SLC39A12: variants seen among roughly 807,000 people sequenced by gnomAD.
SLC39A12 encodes the protein solute carrier family 39 member 12.
SLC39A12 carries 63 observed loss-of-function variants against 71.1 expected under a neutral mutation model. The observed-to-expected ratio is 0.89, with a 90% confidence interval of 0.72 to 1.09. The LOEUF is 1.09. Ranked by LOEUF, SLC39A12 falls within the 50% of genes least tolerant of loss-of-function variation. The probability of loss-of-function intolerance (pLI) is 0.00; values close to 1 mark genes in which losing one functional copy is unlikely to be tolerated. For missense variants in SLC39A12, 892 were observed against 812.6 expected, an observed-to-expected ratio of 1.10 and a Z score of -1.19; for synonymous variants, 351 against 301.3, an observed-to-expected ratio of 1.16 and a Z score of -1.71.
intron 12 of SLC39A12, among the ~76,000 whole-genome samples, chr10:18,034,094 G>C (rs1020406526): frequency 6.6e-5 from 10 of 151,704 alleles, no homozygotes; most frequent in Non-Finnish European, 1.5e-4. Context: ...TTTGGAATAG[G>C]TGTGGTGTGG....
rs79723330 is a variant in SLC39A12, at chr10:17,963,215, A to G, written c.543+1353A>G. On this transcript the variant is annotated intron_variant, in intron 3 of 12. Coordinates refer to ENST00000377369, the MANE Select transcript of SLC39A12 (RefSeq NM_001145195.2). ...AAAAGAAAAAGGGGTTCCTTTACAG[A>G]ACTGTTTTCTACCTAAACCAGGAGG... Among the ~76,000 whole-genome samples the G allele has an allele frequency of 3.5e-3, 539 of 152,270 alleles. 3 individuals carry two copies. Among genetic ancestry groups the G allele is most frequent in the African/African-American group, 0.012 (518 of 41,554 alleles).
chr10:17,953,655 G>A (rs1834465740), intron 2 of SLC39A12, 118 bp downstream of exon 2: 1 of 1,181,692 alleles, frequency 8.5e-7, no homozygotes, highest in Admixed American at 2.7e-5. Flanking sequence ...ATGCAATTGA[G>A]CAATGCATTC....
chr10:17,961,219 G>C (rs1340985161), intron 2 of SLC39A12, among the ~76,000 whole-genome samples: 2 of 151,774 alleles, frequency 1.3e-5, no homozygotes, highest in African/African-American at 4.8e-5. Context: ...AAGGAAGGAG[G>C]GTAGAGTAGA....
chr10:17,967,602 G>T (rs904071686), intron 4 of SLC39A12, among the ~76,000 whole-genome samples: 9 of 152,038 alleles, frequency 5.9e-5, no homozygotes, highest in Non-Finnish European at 1.3e-4. Flanking sequence ...TTATTTCCCA[G>T]GCCGGGCGCG....
At chr10:17,958,930 TA>T (rs1267323221) in intron 2 of SLC39A12, among the ~76,000 whole-genome samples, 1 of 152,190 alleles carries the variant, frequency 6.6e-6, no homozygotes, top group Admixed American at 6.5e-5. Context: ...GGGTTCTTAT[TA>T]AAAAATTCAT....
chr10:17,952,062 TG>T (rs1834413719), intron 1 of SLC39A12, 37 bp downstream of exon 1: 1 of 152,312 alleles, frequency 6.6e-6, no homozygotes, highest in East Asian at 1.9e-4. Flanking sequence ...CATCATCCTC[TG>T]TCACTTTTAA....
intron 10 of SLC39A12, among the ~76,000 whole-genome samples, chr10:18,000,125 A>T (rs1304709096): frequency 2.6e-5 from 4 of 152,154 alleles, no homozygotes; most frequent in East Asian, 1.9e-4. Context: ...CTGGTTGTAG[A>T]TGGCGCCTTC....
chr10:18,036,794 A>ATATATATT (rs1554855475), intron 12 of SLC39A12, among the ~76,000 whole-genome samples: 52 of 92,798 alleles, frequency 5.6e-4, no homozygotes, highest in East Asian at 8.8e-4. Flanking sequence ...ATATATATAT[A>ATATATATT]TTTTTTTTTT....
At chr10:18,024,027 C>G (rs1485185983) in intron 12 of SLC39A12, among the ~76,000 whole-genome samples, 2 of 152,092 alleles carry the variant, frequency 1.3e-5, no homozygotes, top group Non-Finnish European at 2.9e-5. Context: ...GCAGCAGTGT[C>G]AAAAAGGGCA....
intron 6 of SLC39A12, among the ~76,000 whole-genome samples, chr10:17,986,457 A>C (rs888330291): frequency 6.6e-6 from 1 of 152,146 alleles, no homozygotes; most frequent in African/African-American, 2.4e-5. Context: ...GCATCTGGTG[A>C]GGGTCTCGTT....
chr10:18,025,844 T>C (rs1053295995), intron 12 of SLC39A12, among the ~76,000 whole-genome samples: 2 of 152,200 alleles, frequency 1.3e-5, no homozygotes, highest in African/African-American at 4.8e-5. Flanking sequence ...ATTTTTAGCA[T>C]ATAAATCATG....
At chr10:17,965,342 A>G (rs1352743797) in intron 3 of SLC39A12, 141 bp from the exon 4 acceptor site, 2 of 690,200 alleles carry the variant, frequency 2.9e-6, no homozygotes, top group East Asian at 2.7e-5. Flanking sequence ...CAGGAGAAAG[A>G]TGATAGTCAT....
intron 8 of SLC39A12, 85 bp downstream of exon 8, chr10:17,991,388 A>G: frequency 8.5e-7 from 1 of 1,180,726 alleles, no homozygotes; most frequent in South Asian, 1.9e-5. Context: ...GTTCAAAAGT[A>G]ATGAAGTTGC....
intron 12 of SLC39A12, among the ~76,000 whole-genome samples, chr10:18,004,152 C>A (rs546924933): frequency 3.3e-4 from 50 of 152,238 alleles, no homozygotes; most frequent in Admixed American, 1.9e-3. Context: ...AGGTCACTCT[C>A]TATTGGGCTT....
At chr10:17,957,720 C>T (rs540281761) in intron 2 of SLC39A12, among the ~76,000 whole-genome samples, 24 of 152,276 alleles carry the variant, frequency 1.6e-4, no homozygotes, top group Non-Finnish European at 2.5e-4. Context: ...CCAACAGCCC[C>T]AGTAGAGCTT....
At chr10:17,978,099 A>C (rs1835161664) in intron 5 of SLC39A12, 25 bp downstream of exon 5, 1 of 1,526,550 alleles carries the variant, frequency 6.6e-7, no homozygotes, top group South Asian at 1.3e-5. Context: ...TCTCTTATTC[A>C]AGCATTTGCT....
intron 12 of SLC39A12, among the ~76,000 whole-genome samples, chr10:18,024,711 C>T (rs1392897822): frequency 6.6e-6 from 1 of 152,156 alleles, no homozygotes; most frequent in East Asian, 1.9e-4. Context: ...ATGTTAAAGT[C>T]TTCAAATCTA....
In SLC39A12 at chr10:17,967,912, TA is replaced by T. The variant is rs1371786836; in HGVS notation, c.751+2223del. 5.7e-3 allele frequency among the ~76,000 whole-genome samples: 835 copies of T among 147,600 alleles called. 3 individuals are homozygous for T. The highest frequency in any genetic ancestry group is 0.019 in the African/African-American group (759 of 40,522). On this transcript the variant is annotated intron_variant, in intron 4 of 12. Coordinates refer to ENST00000377369, the MANE Select transcript of SLC39A12 (RefSeq NM_001145195.2). ...AAAAAAAAAAAAATATATATATATA[TA>T]TATATTTATTTATTTATTTCCCTCA...
intron 8 of SLC39A12, among the ~76,000 whole-genome samples, chr10:17,992,421 T>C (rs2130827768): frequency 6.6e-6 from 1 of 152,346 alleles, no homozygotes; most frequent in South Asian, 2.1e-4. Flanking sequence ...AAGCAGGACT[T>C]TTCTTTGGCC....
Sources: allele counts gnomAD v4.1 joint callset (sites outside exome capture counted in the v4.1 genomes callset), GRCh38; gene constraint gnomAD v4.1.1; transcripts MANE v1.5; gene names NCBI Gene and HGNC (gene_info 2026-07-23, HGNC 2026-07-21).